Variants in NPC1L1 observed in about 807,000 individuals in gnomAD.
NPC1L1 encodes NPC1-like intracellular cholesterol transporter 1.
In NPC1L1, 98 loss-of-function variants were observed where a neutral mutation model predicts 117.0. The ratio of observed to expected loss-of-function variants is 0.84; its 90% CI spans 0.71 to 0.99. The LOEUF (loss-of-function observed/expected upper bound fraction) is 0.99, where lower values mean the gene tolerates loss of function less well. Ranked by LOEUF, NPC1L1 falls within the 50% of genes least tolerant of loss-of-function variation. The pLI is 0.00. For missense variants in NPC1L1, 1,540 were observed against 1,710.0 expected (o/e 0.90, Z 1.75); for synonymous variants, 729 against 727.6 (o/e 1.00, Z -0.03).
intron 1 of NPC1L1, among the ~76,000 whole-genome samples, chr7:44,540,902 C>T (rs536806551): frequency 1.3e-5 from 2 of 152,254 alleles, no homozygotes; most frequent in Non-Finnish European, 2.9e-5. Context: ...ACCTCCTTGC[C>T]TCAGACCTCC....
intron 18 of NPC1L1, 145 bp downstream of exon 18, chr7:44,515,658 G>A: frequency 5.1e-6 from 5 of 976,242 alleles, no homozygotes; most frequent in African/African-American, 1.6e-5. Context: ...TTCCAAGACA[G>A]AATTGCCACA....
chr7:44,515,959 C>A lies in NPC1L1; in HGVS notation c.3640G>T (p.Ala1214Ser). ...ATISMGSAVF[A>S]GVAMTNLPGI... The stretch of plus-strand genomic sequence containing the variant: ...GGCAGGTTGGTCATGGCCACACCTG[C>A]AAACACCTGGGGGGTTCAGAGCCAG... Residue 1214 changes from alanine (A) to serine (S), a missense_variant, in exon 18 of 19, where the codon GCA (alanine) becomes TCA (serine). By Grantham distance (99) the Ala-to-Ser change is moderately conservative. Around this residue, in one of 3 missense-constraint regions of NPC1L1, gnomAD observed 742 missense variants for 873.6 expected, o/e 0.85. Coordinates refer to ENST00000381160, the MANE Select transcript of NPC1L1 (RefSeq NM_001101648.2). 6.2e-7 allele frequency: 1 copy of A among 1,613,910 alleles called. No individual in the cohort carries two copies. Among genetic ancestry groups the A allele is most frequent in the Non-Finnish European group, 8.5e-7 (1 of 1,179,918 alleles).
chr7:44,535,035 A>G (rs941699201), intron 5 of NPC1L1, among the ~76,000 whole-genome samples: 2 of 151,640 alleles, frequency 1.3e-5, no homozygotes, highest in African/African-American at 4.8e-5. Flanking sequence ...GGAGTTTGAG[A>G]CCAGCCTAGG....
At chr7:44,527,908 TCTACCTCCTAGATTCAA>T in intron 10 of NPC1L1, among the ~76,000 whole-genome samples, 2 of 152,264 alleles carry the variant, frequency 1.3e-5, no homozygotes, top group South Asian at 4.1e-4. Context: ...CACTGCAACC[TCTACCTCCTAGATTCAA>T]GCAATTCTCA....
intron 10 of NPC1L1, among the ~76,000 whole-genome samples, chr7:44,529,845 C>T (rs1801642331): frequency 6.6e-6 from 1 of 151,014 alleles, no homozygotes; most frequent in African/African-American, 2.4e-5. Context: ...ACCAGCCTGG[C>T]CAACATGGCG....
intron 16 of NPC1L1, 105 bp downstream of exon 16, chr7:44,516,598 C>T (rs1191767096): frequency 1.1e-6 from 1 of 946,374 alleles, no homozygotes; most frequent in Non-Finnish European, 1.7e-6. Flanking sequence ...AGAGCAAGAC[C>T]CTGCCTCTAA....
intron 14 of NPC1L1, among the ~76,000 whole-genome samples, chr7:44,518,233 G>A (rs550985782): frequency 2.0e-5 from 3 of 151,516 alleles, no homozygotes; most frequent in South Asian, 4.2e-4. Context: ...GCAGTGGTGC[G>A]ATCTTGGCTC....
Position 44,540,013 on chromosome 7 carries a change from C to G in NPC1L1, c.384G>C (p.Thr128=). The G allele has an allele frequency of 1.2e-6, 2 of 1,614,212 alleles. No individual in the cohort carries two copies. Among genetic ancestry groups the G allele is most frequent in the Non-Finnish European group, 1.7e-6 (2 of 1,180,044 alleles). Reference sequence around the variant, plus strand: ...TGAAGAGGCTCTGATTGGGGCTGCACGTGTTGTGGCAGTGCAGGTTCACAA... The same window carrying G: ...TGAAGAGGCTCTGATTGGGGCTGCAGGTGTTGTGGCAGTGCAGGTTCACAA... ...DNFVNLHCHN[T]CSPNQSLFIN... Residue 128 remains threonine, a synonymous_variant, in exon 2 of 19, where the codon ACG becomes ACC. Transcript: ENST00000381160.
Position 44,536,103 on chromosome 7 carries a change from G to T in NPC1L1, c.1855-135C>A. On this transcript the variant is annotated intron_variant, in intron 4 of 18. Transcript: ENST00000381160. This position sits in a 1 kb window ranked among gnomAD's most constrained non-coding sequence, Gnocchi z 4.7. ...ATGGCCCCCTATAATCGCAGGTGAG[G>T]CTATAAGAACAGCCATCACAATCAC... 6.5e-7 allele frequency: 1 copy of T among 1,542,042 alleles called. No homozygotes were observed. Among genetic ancestry groups the T allele is most frequent in the Non-Finnish European group, 8.9e-7 (1 of 1,119,042 alleles).
chr7:44,527,927 C>T (rs1801576301), intron 10 of NPC1L1, among the ~76,000 whole-genome samples: 2 of 152,218 alleles, frequency 1.3e-5, no homozygotes, highest in South Asian at 4.2e-4. Flanking sequence ...TAGATTCAAG[C>T]AATTCTCATG....
In NPC1L1 at chr7:44,536,242, C is replaced by T. The variant is rs746423264; in HGVS notation, c.1854+14G>A. The T allele has an allele frequency of 3.7e-6, 6 of 1,612,858 alleles. No individual in the cohort carries two copies. In the Admixed American group the frequency reaches 1.0e-4, roughly 27 times the overall value. On this transcript the variant is annotated intron_variant, in intron 4 of 18. Coordinates refer to ENST00000381160, the MANE Select transcript of NPC1L1 (RefSeq NM_001101648.2). This position sits in a 1 kb window ranked among gnomAD's most constrained non-coding sequence, Gnocchi z 4.7. ...GGGTTGCACCCCCAGAGCCAGGGAC[C>T]CTGCAGCCCCTACCTCAGCCATGAA... is the stretch of plus-strand genomic sequence containing the variant.
intron 2 of NPC1L1, among the ~76,000 whole-genome samples, chr7:44,537,744 G>A (rs760839162): frequency 2.6e-5 from 4 of 152,124 alleles, no homozygotes; most frequent in South Asian, 2.1e-4. Context: ...GTGAGCATCC[G>A]AAGTCAAAAT....
chr7:44,526,669 G>A (rs1452401351), intron 10 of NPC1L1, among the ~76,000 whole-genome samples: 1 of 151,930 alleles, frequency 6.6e-6, no homozygotes, highest in African/African-American at 2.4e-5. Flanking sequence ...GAGCCCAAAA[G>A]TTCGAGACCA....
chr7:44,512,976 C>G lies in NPC1L1; in HGVS notation c.*471G>C. On this transcript the variant is annotated 3_prime_UTR_variant, in exon 19 of 19. Transcript: ENST00000381160. ...CACAGCGTTGGCTCTTGGCCTGAGC[C>G]TTTGCCTCTCTCTGGCCTCCTGTGA... 1 of 213,220 alleles carries G rather than the reference C, an allele frequency of 4.7e-6. No homozygotes were observed. The highest frequency in any genetic ancestry group is 8.1e-5 in the South Asian group (1 of 12,342). The allele number at this position is 213,220 out of a possible 1,614,324, so 13.2% of individuals were successfully genotyped here.
intron 10 of NPC1L1, 34 bp from the exon 11 acceptor site, chr7:44,522,276 C>T (rs375199554): frequency 1.3e-5 from 21 of 1,591,090 alleles, no homozygotes; most frequent in Non-Finnish European, 1.5e-5. Context: ...AGCTTTGGTT[C>T]GCTATGCACA....
rs1191709313 is a variant in NPC1L1, at chr7:44,534,635, A to G, written c.1984-6T>C. The G allele has an allele frequency of 1.9e-6, 3 of 1,613,698 alleles. No homozygotes were observed. In the African/African-American group the frequency reaches 4.0e-5, roughly 22 times the overall value. The stretch of plus-strand genomic sequence containing the variant: ...AGCGTGGCCTTGGAGTCCACCTGCA[A>G]TGCAAACAGGCTCAGCCCCCTAGCC... On this transcript the variant is annotated splice_region_variant and splice_polypyrimidine_tract_variant and intron_variant, in intron 5 of 18. Coordinates refer to ENST00000381160, the MANE Select transcript of NPC1L1 (RefSeq NM_001101648.2). This position sits in a 1 kb window ranked among gnomAD's most constrained non-coding sequence, Gnocchi z 5.2.
chr7:44,536,828 C>T lies in NPC1L1; in HGVS notation c.1681+14G>A. On this transcript the variant is annotated intron_variant, in intron 3 of 18. Transcript: ENST00000381160. This position sits in a 1 kb window ranked among gnomAD's most constrained non-coding sequence, Gnocchi z 4.7. ...CATCTTCCTTGGCTTCCTCTCAGGG[C>T]CCACTTAGCTTACCTTTGTACCCCC... 2 of 1,605,444 alleles carry T rather than the reference C, an allele frequency of 1.2e-6. No homozygotes were observed. Among genetic ancestry groups the T allele is most frequent in the Non-Finnish European group, 1.7e-6 (2 of 1,172,110 alleles).
Position 44,540,323 on chromosome 7 carries a change from G to A in NPC1L1, c.74C>T (p.Thr25Ile), listed in dbSNP as rs776142146. The A allele has an allele frequency of 1.9e-6, 3 of 1,613,146 alleles. No homozygotes were observed. Among genetic ancestry groups the A allele is most frequent in the South Asian group, 1.1e-5 (1 of 91,082 alleles). Residue 25 changes from threonine (T) to isoleucine (I), a missense_variant, in exon 2 of 19, where the codon ACA becomes ATA. By Grantham distance (89) the Thr-to-Ile change is moderately conservative. Transcript: ENST00000381160. Reference sequence around the variant, plus strand: ...GCAGTAGCCAGGCTGGTGGATGGTTGTGTAAGGCTCACTCTGGGCCTGCAG... The same window carrying A: ...GCAGTAGCCAGGCTGGTGGATGGTTATGTAAGGCTCACTCTGGGCCTGCAG... ...LLRLAQSEPY[T>I]TIHQPGYCAF...
Position 44,538,806 on chromosome 7 carries a change from C to T in NPC1L1, c.1580+11G>A. On this transcript the variant is annotated intron_variant, in intron 2 of 18. Coordinates refer to ENST00000381160, the MANE Select transcript of NPC1L1 (RefSeq NM_001101648.2). This position sits in a 1 kb window ranked among gnomAD's most constrained non-coding sequence, Gnocchi z 5.9. ...AGCCCACTCCTCGCTTGGGCCCCACCATGGACTCACTTGGCACAGTACAGA... is the reference window on the plus strand; with the variant it reads ...AGCCCACTCCTCGCTTGGGCCCCACTATGGACTCACTTGGCACAGTACAGA... The T allele has an allele frequency of 6.2e-7, 1 of 1,614,010 alleles. No individual in the cohort carries two copies. The highest frequency in any genetic ancestry group is 8.5e-7 in the Non-Finnish European group (1 of 1,179,968).
Sources: gnomAD v4.1 joint callset for allele counts (sites outside exome capture counted in the v4.1 genomes callset) on GRCh38, gnomAD v4.1.1 for gene constraint, gnomAD v4.1.1 regional missense constraint, Gnocchi (gnomAD v3.1) non-coding constraint, MANE v1.5 for transcripts, NCBI Gene and HGNC (gene_info 2026-07-23, HGNC 2026-07-21) for gene names.